The following NRG2 variants were observed in gnomAD, a reference collection of about 807,000 sequenced individuals.
NRG2 encodes the protein pro-neuregulin-2, membrane-bound isoform.
In NRG2, 27 loss-of-function variants were observed where a neutral mutation model predicts 73.9. The ratio of observed to expected loss-of-function variants is 0.37; its 90% CI spans 0.27 to 0.50. The LOEUF (loss-of-function observed/expected upper bound fraction) is 0.50. NRG2 is among the 20% of genes least tolerant of loss of function. NRG2 has a pLI of 0.96. For missense variants in NRG2, 1,126 were observed against 1,210.1 expected, an observed-to-expected ratio of 0.93 and a Z score of 1.03; for synonymous variants, 532 against 541.0, an observed-to-expected ratio of 0.98 and a Z score of 0.23.
chr5:139,865,925 C>T lies in NRG2; in HGVS notation c.1113-300G>A, dbSNP rs1762444863. Reference sequence around the variant, plus strand: ...TTGTCCTACTGGTCATTGAGACTTTCCTTCTTACCTGCCTGGTGCCCCATG... The same window carrying T: ...TTGTCCTACTGGTCATTGAGACTTTTCTTCTTACCTGCCTGGTGCCCCATG... On this transcript the variant is annotated intron_variant, in intron 4 of 9. Coordinates refer to ENST00000361474, the MANE Select transcript of NRG2 (RefSeq NM_004883.3). The surrounding 1 kb of genome is among the most constrained non-coding windows in gnomAD (Gnocchi z 5.2). Among the ~76,000 whole-genome samples the T allele has an allele frequency of 6.6e-6, 1 of 152,136 alleles. No individual in the cohort carries two copies. The highest frequency in any genetic ancestry group is 2.1e-4 in the South Asian group (1 of 4,824).
chr5:139,852,672 C>G lies in NRG2; in HGVS notation c.1417-113G>C, dbSNP rs1019220970. The G allele has an allele frequency of 1.3e-6, 2 of 1,499,136 alleles. No homozygotes were observed. The highest frequency in any genetic ancestry group is 2.6e-5 in the South Asian group (2 of 77,650). 92.9% of individuals were successfully genotyped at this position (1,499,136 alleles called of 1,614,324 possible). A position where few individuals can be genotyped will look rare whatever the true frequency, so the allele number is the denominator to read the frequency against. ...CTGAGCTCCTGGTTGGGGAGACCCA[C>G]TGTGTGAGAGTGACTTGATGTTGGG... On this transcript the variant is annotated intron_variant, in intron 7 of 9. Transcript: ENST00000361474. This position sits in a 1 kb window ranked among gnomAD's most constrained non-coding sequence, Gnocchi z 4.4.
Position 139,851,616 on chromosome 5 carries a change from G to T in NRG2, c.1760C>A (p.Pro587Gln). 6.2e-7 allele frequency: 1 copy of T among 1,613,914 alleles called. No individual in the cohort carries two copies. Among genetic ancestry groups the T allele is most frequent in the Non-Finnish European group, 8.5e-7 (1 of 1,179,942 alleles). ...GGTAGGAACTGACCTCTCGCTGTGT[G>T]GGGAGTCGCGAAGGGAGTCCACGGA... is the stretch of plus-strand genomic sequence containing the variant. The part of the protein sequence containing the change: ...HDSVDSLRDS[P>Q]HSERYVSALT... Residue 587 changes from proline to glutamine, a missense_variant, in exon 9 of 10, where the codon CCA (proline) becomes CAA (glutamine). By Grantham distance (76) the Pro-to-Gln change is moderately conservative. This residue lies in a region of NRG2 where 539 missense variants were observed against 703.2 expected (regional missense o/e 0.77). Transcript: ENST00000361474. This position sits in a 1 kb window ranked among gnomAD's most constrained non-coding sequence, Gnocchi z 4.2.
intron 3 of NRG2, among the ~76,000 whole-genome samples, chr5:139,874,635 G>C (rs1763059734): frequency 6.6e-6 from 1 of 152,024 alleles, no homozygotes; most frequent in Admixed American, 6.6e-5. Context: ...CCTTTACTTT[G>C]CAGCAGCCAC....
In NRG2 at chr5:139,999,574, G is replaced by A. The variant is rs557165857; in HGVS notation, c.700+42796C>T. 1.2e-4 allele frequency among the ~76,000 whole-genome samples: 19 copies of A among 152,288 alleles called. No individual in the cohort carries two copies. In the South Asian group the frequency reaches 3.3e-3, roughly 27 times the overall value. On this transcript the variant is annotated intron_variant, in intron 1 of 9. Transcript: ENST00000361474. ...GACCAGACGTTCTCTGTTCGTACCT[G>A]GTAGCACTTTGGAATCATTGTTCAA...
intron 1 of NRG2, among the ~76,000 whole-genome samples, chr5:139,932,601 G>A (rs1752559510): frequency 6.6e-6 from 1 of 152,010 alleles, no homozygotes; most frequent in Non-Finnish European, 1.5e-5. Context: ...TTGGGATTTT[G>A]GTTCATTAAG....
intron 3 of NRG2, among the ~76,000 whole-genome samples, chr5:139,879,653 G>C (rs988971917): frequency 6.6e-6 from 1 of 152,166 alleles, no homozygotes; most frequent in Non-Finnish European, 1.5e-5. Flanking sequence ...AGTTCTATGG[G>C]GTGGGGAACA....
At chr5:139,994,503 A>ATT (rs2126603807) in intron 1 of NRG2, among the ~76,000 whole-genome samples, 1 of 152,338 alleles carries the variant, frequency 6.6e-6, no homozygotes, top group South Asian at 2.1e-4. Flanking sequence ...TGAAATAGGG[A>ATT]GTTGTTGTTT....
chr5:139,864,126 G>A (rs1762321629), intron 5 of NRG2, among the ~76,000 whole-genome samples: 1 of 152,194 alleles, frequency 6.6e-6, no homozygotes, highest in African/African-American at 2.4e-5. Flanking sequence ...CTGGAGAAGA[G>A]GAGGTCGGGG....
rs187148866 is a variant in NRG2 at position 140,026,129 on chromosome 5, G to T, written c.700+16241C>A. On this transcript the variant is annotated intron_variant, in intron 1 of 9. Transcript: ENST00000361474. ...AAACAGAATGAGCAAAAGCACTAAA[G>T]GATACAAATGTAAAATTTGTTTGAA... Among the ~76,000 whole-genome samples the T allele has an allele frequency of 2.4e-4, 37 of 152,298 alleles. No individual in the cohort carries two copies. The East Asian group carries it at 6.7e-3, about 28-fold the overall frequency.
In NRG2 at chr5:140,043,131, A is replaced by G; in HGVS notation, c.-62T>C. ...GCCGCCGCCTTGGGAGGGGAAACAGAGCCCGCTGGAAAACCGGAAACAGCG... is the reference window on the plus strand; with the variant it reads ...GCCGCCGCCTTGGGAGGGGAAACAGGGCCCGCTGGAAAACCGGAAACAGCG... On this transcript the variant is annotated 5_prime_UTR_variant, in exon 1 of 10. Coordinates refer to ENST00000361474, the MANE Select transcript of NRG2 (RefSeq NM_004883.3). This position sits in a 1 kb window ranked among gnomAD's most constrained non-coding sequence, Gnocchi z 6.7. The G allele has an allele frequency of 6.5e-7, 1 of 1,543,544 alleles. No homozygotes were observed. Among genetic ancestry groups the G allele is most frequent in the Non-Finnish European group, 8.7e-7 (1 of 1,150,328 alleles).
chr5:139,979,747 C>A (rs1756651933), intron 1 of NRG2, among the ~76,000 whole-genome samples: 1 of 152,182 alleles, frequency 6.6e-6, no homozygotes, highest in Non-Finnish European at 1.5e-5. Context: ...GCTGATCCTG[C>A]AACGCTGGCT....
intron 5 of NRG2, among the ~76,000 whole-genome samples, chr5:139,859,635 A>C (rs1221904028): frequency 6.6e-6 from 1 of 151,698 alleles, no homozygotes; most frequent in South Asian, 2.1e-4. Flanking sequence ...AATCTCCCCT[A>C]TGTGAGGGAT....
Position 139,847,886 on chromosome 5 carries a change from C to CGGGCG in NRG2, c.*26_*30dup, listed in dbSNP as rs1761091320. 5 of 1,126,852 alleles carry CGGGCG rather than the reference C, an allele frequency of 4.4e-6. No homozygotes were observed. The highest frequency in any genetic ancestry group is 8.3e-5 in the Admixed American group (2 of 24,190). 69.8% of individuals were successfully genotyped at this position (1,126,852 alleles called of 1,614,324 possible). A position where few individuals can be genotyped will look rare whatever the true frequency, so the allele number is the denominator to read the frequency against. On this transcript the variant is annotated 3_prime_UTR_variant, in exon 10 of 10. Transcript: ENST00000361474. ...TCTGGTCTCCTTAAAGATAGTGGGG[C>CGGGCG]GGGCGGGGCGGAGGGGCGCGCGGCG...
At chr5:139,935,240 T>C (rs1420660595) in intron 1 of NRG2, among the ~76,000 whole-genome samples, 3 of 152,040 alleles carry the variant, frequency 2.0e-5, no homozygotes, top group Non-Finnish European at 4.4e-5. Flanking sequence ...AATAGAGAAA[T>C]TTAGAAATAG....
chr5:139,950,613 A>G (rs1005516856), intron 1 of NRG2, among the ~76,000 whole-genome samples: 10 of 152,220 alleles, frequency 6.6e-5, no homozygotes, highest in Non-Finnish European at 1.3e-4. Flanking sequence ...TGCTTTTGCA[A>G]TCACAGCTGC....
chr5:139,963,307 A>AT (rs1043805921), intron 1 of NRG2, among the ~76,000 whole-genome samples: 3 of 152,192 alleles, frequency 2.0e-5, no homozygotes, highest in Non-Finnish European at 4.4e-5. Context: ...AAAAGGATGA[A>AT]TATCTCCCCT....
rs1754445416 is a variant in NRG2 at position 139,954,182 on chromosome 5, T to C, written c.701-66671A>G. Among the ~76,000 whole-genome samples, 1 of 152,092 alleles carries C rather than the reference T, an allele frequency of 6.6e-6. No homozygotes were observed. The highest frequency in any genetic ancestry group is 1.5e-5 in the Non-Finnish European group (1 of 68,010). On this transcript the variant is annotated intron_variant, in intron 1 of 9. Coordinates refer to ENST00000361474, the MANE Select transcript of NRG2 (RefSeq NM_004883.3). The surrounding 1 kb of genome is among the most constrained non-coding windows in gnomAD (Gnocchi z 5.0). ...ACGATCGTGGCAAGACAACTGCTTC[T>C]CATTAGCAAAAGTGACCGTGGAGGA...
At position 139,887,926 on chromosome 5, in the gene NRG2, TA is replaced by T. The variant is rs1763974265; in HGVS notation, c.701-416del. Among the ~76,000 whole-genome samples, 1 of 152,146 alleles carries T rather than the reference TA, an allele frequency of 6.6e-6. No homozygotes were observed. The highest frequency in any genetic ancestry group is 1.5e-5 in the Non-Finnish European group (1 of 68,020). On this transcript the variant is annotated intron_variant, in intron 1 of 9. Transcript: ENST00000361474. This position sits in a 1 kb window ranked among gnomAD's most constrained non-coding sequence, Gnocchi z 4.5. ...CTCCTTGACATCAGTGCTCAGGATC[TA>T]AAATCATGGGTAACAAGCCATGGGG...
intron 1 of NRG2, among the ~76,000 whole-genome samples, chr5:140,009,199 A>G (rs1054815537): frequency 2.5e-4 from 38 of 152,218 alleles, no homozygotes; most frequent in African/African-American, 9.2e-4. Context: ...AATCAGCAGC[A>G]TCTCAGATTG....
Sources: gnomAD v4.1 joint callset for allele counts (sites outside exome capture counted in the v4.1 genomes callset) on GRCh38, gnomAD v4.1.1 for gene constraint, gnomAD v4.1.1 regional missense constraint, Gnocchi (gnomAD v3.1) non-coding constraint, MANE v1.5 for transcripts, NCBI Gene and HGNC (gene_info 2026-07-23, HGNC 2026-07-21) for gene names.